Variants in CMC1 observed in about 807,000 individuals in gnomAD.
CMC1 encodes the protein COX assembly mitochondrial protein homolog.
A neutral mutation model predicts 14.1 loss-of-function variants in CMC1; 14 were observed. The ratio of observed to expected loss-of-function variants is 0.99; its 90% CI spans 0.66 to 1.55. CMC1 has a LOEUF of 1.55. CMC1 is among the 40% of genes most tolerant of loss of function. The pLI, the probability that CMC1 is intolerant of heterozygous loss-of-function variation, is 0.00. For missense variants in CMC1, 127 were observed against 123.8 expected (o/e 1.03, Z -0.12); for synonymous variants, 50 against 38.4 (o/e 1.30, Z -1.12).
chr3:28,263,427 A>G lies in CMC1; in HGVS notation c.109+47A>G, dbSNP rs200249469. 75 of 1,232,758 alleles carry G rather than the reference A, an allele frequency of 6.1e-5. No homozygotes were observed. In the African/African-American group the frequency reaches 8.7e-4, roughly 14 times the overall value. 76.4% of individuals were successfully genotyped at this position (1,232,758 alleles called of 1,614,324 possible). A position where few individuals can be genotyped will look rare whatever the true frequency, so the allele number is the denominator to read the frequency against. ...AAAGATCAAATTTATTTTTAATAAT[A>G]TGATCTGAATTTAATCCTTAGCCCC... On this transcript the variant is annotated intron_variant, in intron 2 of 3. Transcript: ENST00000466830.
intron 1 of CMC1, among the ~76,000 whole-genome samples, chr3:28,242,587 A>G (rs1576954242): frequency 6.6e-6 from 1 of 152,228 alleles, no homozygotes; most frequent in African/African-American, 2.4e-5. Flanking sequence ...CATGGAAAAT[A>G]TATGTAGCAC....
Position 28,319,881 on chromosome 3 carries a change from T to C in CMC1, c.*252T>C, listed in dbSNP as rs2125623250. 3.7e-6 allele frequency: 1 copy of C among 269,944 alleles called. No homozygotes were observed. Among genetic ancestry groups the C allele is most frequent in the East Asian group, 7.7e-5 (1 of 12,992 alleles). The allele number at this position is 269,944 out of a possible 1,614,324, so 16.7% of individuals were successfully genotyped here. A position where few individuals can be genotyped will look rare whatever the true frequency, so the allele number is the denominator to read the frequency against. ...TCCCACAACTATAGTTCTATAACAG[T>C]GATACTGATTTTTTAGAGTTCAATA... On this transcript the variant is annotated 3_prime_UTR_variant, in exon 4 of 4. Transcript: ENST00000466830.
At chr3:28,312,309 T>A (rs570794508) in intron 2 of CMC1, among the ~76,000 whole-genome samples, 140 of 152,282 alleles carry the variant, frequency 9.2e-4, no homozygotes, top group African/African-American at 3.3e-3. Context: ...ATTTTAAAAA[T>A]CAAATTAATG....
At chr3:28,285,371 A>G (rs1344567870) in intron 2 of CMC1, among the ~76,000 whole-genome samples, 2 of 90,232 alleles carry the variant, frequency 2.2e-5, no homozygotes, top group Non-Finnish European at 5.0e-5. Flanking sequence ...GTAGTATGAG[A>G]TAAAGAGAGT....
Position 28,270,920 on chromosome 3 carries a change from C to CTTTTTTT in CMC1, c.109+7556_109+7562dup, listed in dbSNP as rs71087680. On this transcript the variant is annotated intron_variant, in intron 2 of 3. Coordinates refer to ENST00000466830, the MANE Select transcript of CMC1 (RefSeq NM_182523.2). Reference sequence around the variant, plus strand: ...TCTTTAATTCATCTTGAGTTAATTTCTTTTTTTTTTTTTTTTTTTTTTGAG... The same window carrying CTTTTTTT: ...TCTTTAATTCATCTTGAGTTAATTTCTTTTTTTTTTTTTTTTTTTTTTTTTTTTTGAG... 1.3e-3 allele frequency among the ~76,000 whole-genome samples: 107 copies of CTTTTTTT among 83,700 alleles called. 1 individual carries two copies. Among genetic ancestry groups the CTTTTTTT allele is most frequent in the East Asian group, 1.6e-3 (5 of 3,162 alleles). 54.9% of individuals were successfully genotyped at this position (83,700 alleles called of 152,430 possible).
intron 3 of CMC1, 174 bp from the exon 4 acceptor site, chr3:28,319,335 G>T: frequency 1.5e-6 from 1 of 669,238 alleles, no homozygotes. Flanking sequence ...TGAATGATTT[G>T]GTCTTTAGTT....
At chr3:28,283,758 T>G (rs1366817326) in intron 2 of CMC1, among the ~76,000 whole-genome samples, 4 of 152,296 alleles carry the variant, frequency 2.6e-5, no homozygotes, top group South Asian at 4.1e-4. Context: ...TAGGAACAGT[T>G]GTATTCCATC....
intron 2 of CMC1, among the ~76,000 whole-genome samples, chr3:28,267,289 A>G (rs1326625919): frequency 1.3e-5 from 2 of 152,326 alleles, no homozygotes; most frequent in Admixed American, 6.5e-5. Context: ...ATTCCTCATT[A>G]TATTTCTTTG....
chr3:28,312,928 C>T (rs1702711760), intron 2 of CMC1, among the ~76,000 whole-genome samples: 2 of 152,190 alleles, frequency 1.3e-5, no homozygotes, highest in South Asian at 2.1e-4. Context: ...ATGATCTCAG[C>T]TCACTGCAGC....
chr3:28,298,832 C>T (rs1298800459), intron 2 of CMC1, among the ~76,000 whole-genome samples: 1 of 151,878 alleles, frequency 6.6e-6, no homozygotes, highest in African/African-American at 2.4e-5. Context: ...TCAGTATGTT[C>T]TGTTTTTTTT....
At chr3:28,279,711 C>T (rs1418698659) in intron 2 of CMC1, among the ~76,000 whole-genome samples, 1 of 139,464 alleles carries the variant, frequency 7.2e-6, no homozygotes, top group African/African-American at 2.6e-5. Context: ...GGAATCATAA[C>T]CTAAAGATAG....
intron 1 of CMC1, chr3:28,263,043 G>A (rs1002058437): frequency 1.0e-5 from 4 of 386,904 alleles, no homozygotes; most frequent in Admixed American, 4.8e-5. Context: ...AAGTAAAGAT[G>A]TTGTAGTATA....
chr3:28,317,900 C>A (rs926266721), intron 3 of CMC1: 2 of 151,778 alleles, frequency 1.3e-5, no homozygotes, highest in Non-Finnish European at 2.9e-5. Flanking sequence ...CCCTCTCTCA[C>A]CCCCTAGAAA....
intron 2 of CMC1, among the ~76,000 whole-genome samples, chr3:28,298,621 T>C (rs1179685632): frequency 6.6e-6 from 1 of 151,846 alleles, no homozygotes; most frequent in Non-Finnish European, 1.5e-5. Flanking sequence ...ATCTGAATTT[T>C]TGAGTTTGCT....
At chr3:28,242,086 C>T (rs900778599) in intron 1 of CMC1, among the ~76,000 whole-genome samples, 2 of 152,342 alleles carry the variant, frequency 1.3e-5, no homozygotes, top group African/African-American at 4.8e-5. Flanking sequence ...TTGTCACCCT[C>T]TTTTCGCCCC....
chr3:28,301,437 C>A (rs1702042210), intron 2 of CMC1, among the ~76,000 whole-genome samples: 1 of 152,062 alleles, frequency 6.6e-6, no homozygotes, highest in African/African-American at 2.4e-5. Flanking sequence ...CTGAGGCTGG[C>A]CTTGAATTCC....
Position 28,252,264 on chromosome 3 carries a change from C to T in CMC1, c.19+10452C>T, listed in dbSNP as rs142222111. Among the ~76,000 whole-genome samples, 9 of 152,212 alleles carry T rather than the reference C, an allele frequency of 5.9e-5. No homozygotes were observed. In the East Asian group the frequency reaches 1.5e-3, roughly 26 times the overall value. ...TAGTGTGAACAAGGTGGTTAATTAACAGTGAAAGCTGATAGGACAGAGAAG... is the reference window on the plus strand; with the variant it reads ...TAGTGTGAACAAGGTGGTTAATTAATAGTGAAAGCTGATAGGACAGAGAAG... On this transcript the variant is annotated intron_variant, in intron 1 of 3. Transcript: ENST00000466830.
At chr3:28,278,082 T>TTG (rs1413796136) in intron 2 of CMC1, among the ~76,000 whole-genome samples, 2 of 152,058 alleles carry the variant, frequency 1.3e-5, no homozygotes, top group Admixed American at 6.6e-5. Context: ...ATTGATGTGA[T>TTG]TGAGATACTC....
intron 2 of CMC1, among the ~76,000 whole-genome samples, chr3:28,277,580 G>C (rs1405651449): frequency 2.0e-5 from 3 of 152,090 alleles, no homozygotes; most frequent in Non-Finnish European, 2.9e-5. Flanking sequence ...AGGTCAGTGG[G>C]GAGTGCTGAT....
Sources: allele counts gnomAD v4.1 joint callset (sites outside exome capture counted in the v4.1 genomes callset), GRCh38; gene constraint gnomAD v4.1.1; transcripts MANE v1.5; gene names NCBI Gene and HGNC (gene_info 2026-07-23, HGNC 2026-07-21).